The following RERG variants were observed in gnomAD, a reference collection of about 807,000 sequenced individuals.
RERG encodes RAS like estrogen regulated growth inhibitor.
A neutral mutation model predicts 23.2 loss-of-function variants in RERG; 25 were observed. That is an observed-to-expected ratio of 1.08 (90% CI 0.79 to 1.50). The LOEUF (loss-of-function observed/expected upper bound fraction) is 1.50, where lower values mean the gene tolerates loss of function less well. Among genes scored for constraint, RERG ranks in the 40% most tolerant of loss-of-function variants. The probability of loss-of-function intolerance (pLI) is 0.00; values close to 1 mark genes in which losing one functional copy is unlikely to be tolerated. For missense variants in RERG, 253 were observed against 250.1 expected, an observed-to-expected ratio of 1.01 and a Z score of -0.08; for synonymous variants, 81 against 89.1, an observed-to-expected ratio of 0.91 and a Z score of 0.51.
chr12:15,135,423 A>G (rs1416613135), intron 2 of RERG, among the ~76,000 whole-genome samples: 1 of 152,166 alleles, frequency 6.6e-6, no homozygotes, highest in Non-Finnish European at 1.5e-5. Context: ...CCATAAGCTA[A>G]GACAAGCATT....
chr12:15,196,314 C>T (rs1390158696), intron 2 of RERG, among the ~76,000 whole-genome samples: 2 of 152,168 alleles, frequency 1.3e-5, no homozygotes, highest in Non-Finnish European at 2.9e-5. Flanking sequence ...ACTTTACCAT[C>T]TCTTCTGACT....
intron 3 of RERG, among the ~76,000 whole-genome samples, chr12:15,117,548 C>T (rs1454378419): frequency 6.6e-6 from 1 of 152,106 alleles, no homozygotes; most frequent in Non-Finnish European, 1.5e-5. Flanking sequence ...TCTCCTCATT[C>T]CCATCCTCAT....
intron 2 of RERG, among the ~76,000 whole-genome samples, chr12:15,184,033 C>T (rs1406418714): frequency 6.6e-6 from 1 of 152,146 alleles, no homozygotes; most frequent in Non-Finnish European, 1.5e-5. Flanking sequence ...TTCTACATCC[C>T]TGTCACTCTC....
intron 2 of RERG, chr12:15,154,476 C>T (rs971354816): frequency 3.9e-5 from 6 of 152,176 alleles, no homozygotes; most frequent in Non-Finnish European, 8.8e-5. Flanking sequence ...AGCAGTGTCT[C>T]TAATAATCAG....
intron 2 of RERG, among the ~76,000 whole-genome samples, chr12:15,127,981 A>G (rs7131839): frequency 0.69 from 104,958 of 152,108 alleles, 36,395 homozygotes; most frequent in Admixed American, 0.75. Flanking sequence ...TTTACAAAGC[A>G]GTTAAGTGAT....
At chr12:15,159,732 G>A (rs1864576993) in intron 2 of RERG, among the ~76,000 whole-genome samples, 1 of 152,286 alleles carries the variant, frequency 6.6e-6, no homozygotes, top group South Asian at 2.1e-4. Flanking sequence ...GCTGAGGCAG[G>A]AGAATGGTGT....
chr12:15,124,079 T>C (rs1311213122), intron 2 of RERG, among the ~76,000 whole-genome samples: 2 of 152,162 alleles, frequency 1.3e-5, no homozygotes, highest in Non-Finnish European at 2.9e-5. Context: ...TAATGAAAAT[T>C]GGTTTCTAAC....
At chr12:15,135,269 G>T (rs1349710392) in intron 2 of RERG, among the ~76,000 whole-genome samples, 1 of 152,088 alleles carries the variant, frequency 6.6e-6, no homozygotes, top group Non-Finnish European at 1.5e-5. Flanking sequence ...CCTGTATCCT[G>T]TAATCTTTCC....
intron 2 of RERG, among the ~76,000 whole-genome samples, chr12:15,180,745 A>G (rs1864912914): frequency 6.6e-6 from 1 of 152,152 alleles, no homozygotes; most frequent in Non-Finnish European, 1.5e-5. Context: ...TCTGAAGTGG[A>G]TCTGTCAGCC....
chr12:15,154,850 A>T (rs1024959927), intron 2 of RERG, among the ~76,000 whole-genome samples: 2 of 152,332 alleles, frequency 1.3e-5, no homozygotes, highest in Admixed American at 1.3e-4. Flanking sequence ...TTAAACTTTA[A>T]AAGGGTCTTT....
At chr12:15,152,825 A>G (rs1565521179) in intron 2 of RERG, among the ~76,000 whole-genome samples, 1 of 152,106 alleles carries the variant, frequency 6.6e-6, no homozygotes. Flanking sequence ...TTATTATATT[A>G]CTCTTTGAAA....
rs111271496 is a variant in RERG, at chr12:15,205,089, CTAATA to C, written c.61+12335_61+12339del. On this transcript the variant is annotated intron_variant, in intron 2 of 4. Coordinates refer to ENST00000256953, the MANE Select transcript of RERG (RefSeq NM_032918.3). ...TATTTTTGCAACTCTGTATAATTATCTAATATTATTTCAATATAAAAAGTTGTAAA... is the reference window on the plus strand; with the variant it reads ...TATTTTTGCAACTCTGTATAATTATCTTATTTCAATATAAAAAGTTGTAAA... Among the ~76,000 whole-genome samples, 1,030 of 151,982 alleles carry C rather than the reference CTAATA, an allele frequency of 6.8e-3. 8 individuals are homozygous for C. The highest frequency in any genetic ancestry group is 0.023 in the African/African-American group (962 of 41,500).
At position 15,135,248 on chromosome 12, in the gene RERG, A is replaced by G. The variant is rs564990057; in HGVS notation, c.62-14129T>C. On this transcript the variant is annotated intron_variant, in intron 2 of 4. Coordinates refer to ENST00000256953, the MANE Select transcript of RERG (RefSeq NM_032918.3). ...CACTTGTTCATTGTTGATATATAGG[A>G]AAGTGATTGACCTGTATCCTGTAAT... 7.9e-5 allele frequency among the ~76,000 whole-genome samples: 12 copies of G among 152,312 alleles called. No homozygotes were observed. In the South Asian group the frequency reaches 1.5e-3, roughly 18 times the overall value.
intron 2 of RERG, among the ~76,000 whole-genome samples, chr12:15,162,649 G>A (rs1864631492): frequency 6.6e-6 from 1 of 152,284 alleles, no homozygotes; most frequent in East Asian, 1.9e-4. Flanking sequence ...CATACATGAA[G>A]AGCTCTTTTG....
In RERG at chr12:15,109,277, A is replaced by T. The variant is rs776207568; in HGVS notation, c.433T>A (p.Tyr145Asn). ...TCTCCAGTGCAGGCAGAGCACTCGT[A>T]AAAAGCACAAGCCAATTCTGTGGCC... ...KLATELACAFYECSACTGEGN... is the reference protein window; with the variant it reads ...KLATELACAFNECSACTGEGN... Residue 145 changes from tyrosine to asparagine, a missense_variant, in exon 5 of 5, where the codon TAC becomes AAC. By Grantham distance (143) the Tyr-to-Asn change is moderately radical. Coordinates refer to ENST00000256953, the MANE Select transcript of RERG (RefSeq NM_032918.3). 28 of 1,614,134 alleles carry T rather than the reference A, an allele frequency of 1.7e-5. No individual in the cohort carries two copies. Among genetic ancestry groups the T allele is most frequent in the Non-Finnish European group, 2.4e-5 (28 of 1,179,992 alleles).
chr12:15,181,524 T>C, intron 2 of RERG, among the ~76,000 whole-genome samples: 1 of 152,328 alleles, frequency 6.6e-6, no homozygotes, highest in African/African-American at 2.4e-5. Context: ...CACTTACTAG[T>C]TACATAACCT....
At chr12:15,150,332 C>T (rs74071050) in intron 2 of RERG, among the ~76,000 whole-genome samples, 4,272 of 152,156 alleles carry the variant, frequency 0.028, 197 homozygotes, top group African/African-American at 0.098. Flanking sequence ...AACAAGATGG[C>T]GAGCTGAAAC....
At chr12:15,192,408 C>T (rs1460568172) in intron 2 of RERG, among the ~76,000 whole-genome samples, 3 of 152,078 alleles carry the variant, frequency 2.0e-5, no homozygotes, top group Non-Finnish European at 4.4e-5. Context: ...AATAGCCTAA[C>T]ACAACACCTT....
chr12:15,115,622 C>A (rs917704514), intron 3 of RERG, among the ~76,000 whole-genome samples: 1 of 152,078 alleles, frequency 6.6e-6, no homozygotes, highest in Non-Finnish European at 1.5e-5. Context: ...ATTAACCAAC[C>A]AACCAACCAA....
Sources: gnomAD v4.1 joint callset for allele counts (sites outside exome capture counted in the v4.1 genomes callset) on GRCh38, gnomAD v4.1.1 for gene constraint, MANE v1.5 for transcripts, NCBI Gene and HGNC (gene_info 2026-07-23, HGNC 2026-07-21) for gene names.